The following SLC9A9 variants were observed in gnomAD, a reference collection of about 807,000 sequenced individuals.
SLC9A9 encodes solute carrier family 9 member A9, also known as sodium/hydrogen exchanger 9.
In SLC9A9, 62 loss-of-function variants were observed where a neutral mutation model predicts 77.8. The ratio of observed to expected loss-of-function variants is 0.80; its 90% confidence interval spans 0.65 to 0.98. SLC9A9 has a LOEUF of 0.98. Among genes scored for constraint, SLC9A9 ranks in the 50% least tolerant of loss-of-function variants. SLC9A9 has a pLI of 0.00. For missense variants in SLC9A9, 775 were observed against 774.9 expected (o/e 1.00, Z 0.00); for synonymous variants, 320 against 283.5 (o/e 1.13, Z -1.29).
chr3:143,695,147 A>T (rs1224958214), intron 4 of SLC9A9, among the ~76,000 whole-genome samples: 2 of 152,252 alleles, frequency 1.3e-5, no homozygotes, highest in Admixed American at 6.5e-5. Context: ...GGGTAGCTTC[A>T]TTCAGCTTAT....
At chr3:143,346,225 C>T (rs1350550839) in intron 14 of SLC9A9, among the ~76,000 whole-genome samples, 1 of 152,064 alleles carries the variant, frequency 6.6e-6, no homozygotes, top group Non-Finnish European at 1.5e-5. Flanking sequence ...TGCCTTTTCA[C>T]TTGGCTAAAA....
chr3:143,634,960 T>G (rs902510468), intron 6 of SLC9A9, among the ~76,000 whole-genome samples: 1 of 152,150 alleles, frequency 6.6e-6, no homozygotes, highest in Non-Finnish European at 1.5e-5. Flanking sequence ...TGAGGCTCAC[T>G]GCTGTTTTAA....
intron 12 of SLC9A9, among the ~76,000 whole-genome samples, chr3:143,429,111 C>G (rs143670608): frequency 6.6e-6 from 1 of 152,084 alleles, no homozygotes; most frequent in African/African-American, 2.4e-5. Flanking sequence ...GATTTGATCA[C>G]GATACTATGT....
chr3:143,700,081 T>C (rs189052585), intron 4 of SLC9A9, among the ~76,000 whole-genome samples: 1 of 152,036 alleles, frequency 6.6e-6, no homozygotes, highest in East Asian at 1.9e-4. Flanking sequence ...AGACACACCC[T>C]GGGCCAGAAG....
intron 12 of SLC9A9, among the ~76,000 whole-genome samples, chr3:143,426,788 C>T (rs2034415311): frequency 1.3e-5 from 2 of 152,194 alleles, no homozygotes; most frequent in Admixed American, 1.3e-4. Context: ...GTTTTGAGTA[C>T]TATACTTGCT....
At chr3:143,665,437 A>G (rs1343151068) in intron 5 of SLC9A9, among the ~76,000 whole-genome samples, 1 of 152,230 alleles carries the variant, frequency 6.6e-6, no homozygotes, top group Non-Finnish European at 1.5e-5. Context: ...TAGAGAAGCA[A>G]GAGCAAGCAT....
intron 13 of SLC9A9, 84 bp downstream of exon 13, chr3:143,381,976 G>A: frequency 1.3e-6 from 2 of 1,506,740 alleles, no homozygotes; most frequent in South Asian, 2.2e-5. Context: ...TAGCTCCTTG[G>A]TCACATGCTG....
intron 9 of SLC9A9, among the ~76,000 whole-genome samples, chr3:143,501,972 T>A (rs1178286691): frequency 6.6e-6 from 1 of 150,800 alleles, no homozygotes; most frequent in African/African-American, 2.5e-5. Flanking sequence ...GGGAATAAAC[T>A]TATTGGTCAA....
chr3:143,579,832 T>C (rs2037424092), intron 6 of SLC9A9, among the ~76,000 whole-genome samples: 1 of 152,174 alleles, frequency 6.6e-6, no homozygotes. Flanking sequence ...TGACTTTTGG[T>C]ATCCAGAGAT....
chr3:143,375,157 C>T (rs781449715), intron 13 of SLC9A9, among the ~76,000 whole-genome samples: 1 of 152,198 alleles, frequency 6.6e-6, no homozygotes, highest in Admixed American at 6.5e-5. Context: ...GAATATTCAC[C>T]AAGATATATC....
intron 4 of SLC9A9, among the ~76,000 whole-genome samples, chr3:143,761,178 T>C (rs1403519173): frequency 6.6e-6 from 1 of 152,152 alleles, no homozygotes; most frequent in African/African-American, 2.4e-5. Context: ...TTACACCTTA[T>C]ACAAAAATTA....
intron 4 of SLC9A9, among the ~76,000 whole-genome samples, chr3:143,745,469 C>T (rs1290948613): frequency 1.3e-5 from 2 of 152,160 alleles, no homozygotes; most frequent in Non-Finnish European, 2.9e-5. Flanking sequence ...AATTCTAGCT[C>T]AGCCTAGGAG....
Position 143,432,771 on chromosome 3 carries a change from GTATA to G in SLC9A9, c.1469+34262_1469+34265del, listed in dbSNP as rs1576493496. 3.3e-5 allele frequency among the ~76,000 whole-genome samples: 5 copies of G among 152,282 alleles called. No individual in the cohort carries two copies. The East Asian group carries it at 9.7e-4, about 29-fold the overall frequency. Reference sequence around the variant, plus strand: ...GACTCCCAAGTAGCTCGGACTACAGGTATATACCCCCACACCCGGCTAATTTTTG... The same window carrying G: ...GACTCCCAAGTAGCTCGGACTACAGGTACCCCCACACCCGGCTAATTTTTG... On this transcript the variant is annotated intron_variant, in intron 12 of 15. Transcript: ENST00000316549.
intron 6 of SLC9A9, among the ~76,000 whole-genome samples, chr3:143,631,432 G>C (rs2038421220): frequency 6.6e-6 from 1 of 152,060 alleles, no homozygotes; most frequent in Non-Finnish European, 1.5e-5. Flanking sequence ...TATTTAAACA[G>C]CTTTCATATC....
At chr3:143,720,251 AT>A (rs558001186) in intron 4 of SLC9A9, among the ~76,000 whole-genome samples, 104 of 149,450 alleles carry the variant, frequency 7.0e-4, no homozygotes, top group African/African-American at 2.5e-3. Context: ...ATATATATAT[AT>A]TTTTTTTCAC....
chr3:143,446,940 ACATG>A (rs1187778281), intron 12 of SLC9A9, among the ~76,000 whole-genome samples: 1 of 140,592 alleles, frequency 7.1e-6, no homozygotes, highest in African/African-American at 3.3e-5. Context: ...GTATGTACTC[ACATG>A]CATGTTTAGA....
intron 9 of SLC9A9, among the ~76,000 whole-genome samples, chr3:143,512,501 A>G (rs184524795): frequency 1.3e-5 from 2 of 152,210 alleles, no homozygotes; most frequent in African/African-American, 4.8e-5. Flanking sequence ...GTCACACACA[A>G]TTTTTGGTTT....
chr3:143,282,263 C>CA (rs1938243381), intron 14 of SLC9A9, among the ~76,000 whole-genome samples: 1 of 152,174 alleles, frequency 6.6e-6, no homozygotes, highest in South Asian at 2.1e-4. Context: ...CATACCCCCC[C>CA]AAACCCACAA....
At chr3:143,517,099 G>A (rs2036214012) in intron 9 of SLC9A9, 7 of 1,441,514 alleles carry the variant, frequency 4.9e-6, no homozygotes, top group Non-Finnish European at 5.7e-6. Flanking sequence ...TTCAGCAAGG[G>A]CTTTATTTAT....
Sources: gnomAD v4.1 joint callset for allele counts (sites outside exome capture counted in the v4.1 genomes callset) on GRCh38, gnomAD v4.1.1 for gene constraint, MANE v1.5 for transcripts, NCBI Gene and HGNC (gene_info 2026-07-23, HGNC 2026-07-21) for gene names.